The following VTI1A variants were observed in gnomAD, a reference collection of about 807,000 sequenced individuals.
VTI1A encodes vesicle transport through interaction with t-SNAREs homolog 1A.
Under a neutral mutation model 34.9 loss-of-function variants are expected in VTI1A, and 22 were observed. The ratio of observed to expected loss-of-function variants is 0.63; its 90% CI spans 0.45 to 0.90. The LOEUF is 0.90. VTI1A is among the 40% of genes least tolerant of loss of function. The probability of loss-of-function intolerance (pLI) is 0.00; values close to 1 mark genes in which losing one functional copy is unlikely to be tolerated. For synonymous variants in VTI1A, 87 were observed against 97.3 expected (o/e 0.89, Z 0.62); for missense variants, 268 against 275.6 (o/e 0.97, Z 0.20).
chr10:112,762,008 T>C (rs919686208), intron 7 of VTI1A, among the ~76,000 whole-genome samples: 3 of 152,180 alleles, frequency 2.0e-5, no homozygotes, highest in Non-Finnish European at 4.4e-5. Context: ...AGAAGTTAAA[T>C]GGCTGTTCTT....
chr10:112,594,761 A>G (rs1327522049), intron 5 of VTI1A, among the ~76,000 whole-genome samples: 2 of 151,270 alleles, frequency 1.3e-5, no homozygotes, highest in African/African-American at 2.4e-5. Context: ...ATTCAATGCC[A>G]TCCCCATCAA....
chr10:112,627,860 T>C (rs1169285309), intron 5 of VTI1A, among the ~76,000 whole-genome samples: 1 of 152,028 alleles, frequency 6.6e-6, no homozygotes, highest in Non-Finnish European at 1.5e-5. Flanking sequence ...ATATATAATA[T>C]AAAGTAAAAT....
chr10:112,843,054 C>T, the VTI1A span, among the ~76,000 whole-genome samples: 1 of 152,244 alleles, frequency 6.6e-6, no homozygotes, highest in Non-Finnish European at 1.5e-5. Flanking sequence ...ACCTCAACAG[C>T]TGGAAGCACC....
chr10:112,694,860 T>C (rs1848727192), intron 7 of VTI1A, among the ~76,000 whole-genome samples: 2 of 152,106 alleles, frequency 1.3e-5, no homozygotes. Context: ...TCCCAGCTAC[T>C]CAGGAGGCTG....
At chr10:112,525,448 G>A (rs932681448) in intron 3 of VTI1A, among the ~76,000 whole-genome samples, 31 of 152,108 alleles carry the variant, frequency 2.0e-4, no homozygotes, top group African/African-American at 7.5e-4. Flanking sequence ...AGGAACTTTT[G>A]TGTGGTAGAA....
At chr10:112,758,817 G>A (rs1170387746) in intron 7 of VTI1A, among the ~76,000 whole-genome samples, 2 of 152,230 alleles carry the variant, frequency 1.3e-5, no homozygotes, top group African/African-American at 4.8e-5. Flanking sequence ...TGTTTTGGTA[G>A]TTGTTATTAT....
At chr10:112,510,382 C>T (rs548826787) in intron 3 of VTI1A, among the ~76,000 whole-genome samples, 1 of 152,170 alleles carries the variant, frequency 6.6e-6, no homozygotes, top group East Asian at 1.9e-4. Flanking sequence ...TGGAAGTAAT[C>T]CCAGCATTTC....
intron 7 of VTI1A, among the ~76,000 whole-genome samples, chr10:112,717,817 G>A (rs1457278691): frequency 6.6e-6 from 1 of 152,174 alleles, no homozygotes; most frequent in Non-Finnish European, 1.5e-5. Flanking sequence ...AGGGGTGGCA[G>A]GTTGACGAAG....
intron 2 of VTI1A, among the ~76,000 whole-genome samples, chr10:112,462,898 T>G (rs979350498): frequency 2.1e-4 from 15 of 70,554 alleles, no homozygotes; most frequent in Admixed American, 3.6e-4. Flanking sequence ...TTACTGGTTT[T>G]TATTTATTTA....
intron 5 of VTI1A, among the ~76,000 whole-genome samples, chr10:112,545,816 C>T (rs1015989800): frequency 4.0e-5 from 6 of 151,876 alleles, no homozygotes; most frequent in African/African-American, 1.5e-4. Context: ...TTCATTGAAT[C>T]TCGTGTGTGT....
chr10:112,729,766 T>C (rs889420247), intron 7 of VTI1A, among the ~76,000 whole-genome samples: 7 of 152,330 alleles, frequency 4.6e-5, no homozygotes, highest in Non-Finnish European at 8.8e-5. Flanking sequence ...GGGCACTCCA[T>C]TTTCAAATCA....
chr10:112,508,835 G>C (rs1314783978), intron 3 of VTI1A, among the ~76,000 whole-genome samples: 1 of 152,182 alleles, frequency 6.6e-6, no homozygotes, highest in Non-Finnish European at 1.5e-5. Context: ...GAGCCAAAGG[G>C]TGAATGGGAA....
At chr10:112,828,922 G>A in the VTI1A span, among the ~76,000 whole-genome samples, 3 of 151,552 alleles carry the variant, frequency 2.0e-5, no homozygotes, top group Non-Finnish European at 2.9e-5. Context: ...CATGAAGGCA[G>A]CATTTGAACC....
chr10:112,648,391 C>G (rs1342673874), intron 5 of VTI1A, among the ~76,000 whole-genome samples: 3 of 152,180 alleles, frequency 2.0e-5, no homozygotes, highest in Non-Finnish European at 4.4e-5. Flanking sequence ...TAGCCCATAG[C>G]ATGCTTCTTT....
At chr10:112,740,275 G>A (rs775598284) in intron 7 of VTI1A, among the ~76,000 whole-genome samples, 7 of 151,646 alleles carry the variant, frequency 4.6e-5, no homozygotes, top group Non-Finnish European at 1.0e-4. Flanking sequence ...AATTCCCCCT[G>A]TGAACACTTT....
In VTI1A at chr10:112,782,914, T is replaced by C. The variant is rs1852176966; in HGVS notation, c.561-32376T>C. On this transcript the variant is annotated intron_variant, in intron 7 of 7. Coordinates refer to ENST00000393077, the MANE Select transcript of VTI1A (RefSeq NM_145206.4). ...GATTCAGTGATTATAACTCAAACTGTAGTGTTCGTGGAACTGGTAAGAGCC... is the reference window on the plus strand; with the variant it reads ...GATTCAGTGATTATAACTCAAACTGCAGTGTTCGTGGAACTGGTAAGAGCC... 2.0e-5 allele frequency among the ~76,000 whole-genome samples: 3 copies of C among 152,126 alleles called. No homozygotes were observed. The South Asian group carries it at 6.2e-4, about 32-fold the overall frequency.
intron 7 of VTI1A, among the ~76,000 whole-genome samples, chr10:112,748,851 G>T (rs552869401): frequency 9.0e-4 from 136 of 151,662 alleles, no homozygotes; most frequent in African/African-American, 3.2e-3. Context: ...GGTTGGTCTC[G>T]ATCTCCTGAC....
intron 5 of VTI1A, among the ~76,000 whole-genome samples, chr10:112,619,790 C>T (rs1845657121): frequency 6.6e-6 from 1 of 151,902 alleles, no homozygotes; most frequent in South Asian, 2.1e-4. Flanking sequence ...TTTTCCTTGA[C>T]AGTGGAACTG....
At chr10:112,757,716 A>T (rs1851336029) in intron 7 of VTI1A, among the ~76,000 whole-genome samples, 1 of 152,104 alleles carries the variant, frequency 6.6e-6, no homozygotes, top group African/African-American at 2.4e-5. Flanking sequence ...GACATTTTTA[A>T]TATGACAGTA....
Sources: allele counts gnomAD v4.1 joint callset (sites outside exome capture counted in the v4.1 genomes callset), GRCh38; gene constraint gnomAD v4.1.1; transcripts MANE v1.5; gene names NCBI Gene and HGNC (gene_info 2026-07-23, HGNC 2026-07-21).